NRXN1: variants seen among roughly 807,000 people sequenced by gnomAD.
NRXN1 encodes neurexin-1.
NRXN1 carries 39 observed loss-of-function variants against 150.9 expected under a neutral mutation model. The ratio of observed to expected loss-of-function variants is 0.26; its 90% CI spans 0.20 to 0.34. The LOEUF (loss-of-function observed/expected upper bound fraction) is 0.34. Ranked by LOEUF, NRXN1 falls within the 10% of genes least tolerant of loss-of-function variation. The probability of loss-of-function intolerance (pLI) is 1.00; values close to 1 mark genes in which losing one functional copy is unlikely to be tolerated. For missense variants in NRXN1, 1,815 were observed against 1,949.9 expected (o/e 0.93, Z 1.30); for synonymous variants, 924 against 757.0 (o/e 1.22, Z -3.62).
chr2:50,449,252 T>C (rs554450048), intron 17 of NRXN1, among the ~76,000 whole-genome samples: 24 of 152,342 alleles, frequency 1.6e-4, no homozygotes, highest in African/African-American at 5.5e-4. Context: ...AAAGTAAAAG[T>C]AATGTAAAAA....
intron 5 of NRXN1, among the ~76,000 whole-genome samples, chr2:50,920,906 C>G (rs1685937765): frequency 6.6e-6 from 1 of 151,606 alleles, no homozygotes; most frequent in African/African-American, 2.4e-5. Flanking sequence ...TTGCCTGGCT[C>G]ATGTTCAGAT....
chr2:50,621,090 G>A (rs965548838), intron 7 of NRXN1, 136 bp downstream of exon 7: 3 of 655,168 alleles, frequency 4.6e-6, no homozygotes, highest in Non-Finnish European at 7.5e-6. Context: ...GGAGGTCAAA[G>A]TAAGCAGAAG....
chr2:49,996,479 A>G (rs1421095635), intron 21 of NRXN1, among the ~76,000 whole-genome samples: 1 of 152,248 alleles, frequency 6.6e-6, no homozygotes, highest in Admixed American at 6.5e-5. Context: ...GAATTTTTAA[A>G]TAAGTTAACT....
intron 5 of NRXN1, among the ~76,000 whole-genome samples, chr2:50,904,057 C>T (rs76104108): frequency 0.029 from 4,421 of 152,174 alleles, 100 homozygotes; most frequent in Non-Finnish European, 0.045. Flanking sequence ...CTGCTCTTTC[C>T]GCACTCTTAA....
intron 21 of NRXN1, among the ~76,000 whole-genome samples, chr2:50,004,619 G>C (rs1208112441): frequency 6.6e-6 from 1 of 152,046 alleles, no homozygotes; most frequent in African/African-American, 2.4e-5. Context: ...AATTATTCAA[G>C]GCAATCTTTT....
chr2:50,762,587 C>T (rs769814852), intron 5 of NRXN1, among the ~76,000 whole-genome samples: 12 of 151,904 alleles, frequency 7.9e-5, no homozygotes, highest in South Asian at 2.1e-4. Flanking sequence ...TGGGAACATA[C>T]GGTATTTGGT....
chr2:49,956,499 A>G (rs1674971161), intron 21 of NRXN1, among the ~76,000 whole-genome samples: 1 of 151,680 alleles, frequency 6.6e-6, no homozygotes, highest in South Asian at 2.1e-4. Flanking sequence ...TTTCCCTTTG[A>G]TTTCATTTTT....
intron 17 of NRXN1, among the ~76,000 whole-genome samples, chr2:50,341,830 A>G (rs2077569213): frequency 6.6e-6 from 1 of 151,994 alleles, no homozygotes; most frequent in Non-Finnish European, 1.5e-5. Flanking sequence ...GATAAAATTT[A>G]CTATTTTGAT....
intron 5 of NRXN1, among the ~76,000 whole-genome samples, chr2:50,816,798 T>C (rs778025194): frequency 6.6e-6 from 1 of 152,144 alleles, no homozygotes; most frequent in East Asian, 1.9e-4. Context: ...GAACTTTTGT[T>C]GAGTCATTCA....
At chr2:50,495,770 G>C in intron 15 of NRXN1, 135 bp downstream of exon 15, 1 of 649,998 alleles carries the variant, frequency 1.5e-6, no homozygotes, top group Non-Finnish European at 2.4e-6. Flanking sequence ...GTGTTGTATT[G>C]TTAATTATGT....
intron 18 of NRXN1, among the ~76,000 whole-genome samples, chr2:50,152,105 G>C (rs370115371): frequency 3.2e-4 from 48 of 151,668 alleles, no homozygotes; most frequent in African/African-American, 1.1e-3. Context: ...GTGGTACTAA[G>C]TGCACTCATA....
chr2:50,159,551 T>C (rs1053673436), intron 18 of NRXN1, among the ~76,000 whole-genome samples: 5 of 152,194 alleles, frequency 3.3e-5, no homozygotes, highest in African/African-American at 7.2e-5. Flanking sequence ...GAAATAAGCA[T>C]GCTTATGTCA....
At chr2:50,635,162 C>A (rs911821485) in intron 5 of NRXN1, among the ~76,000 whole-genome samples, 5 of 144,162 alleles carry the variant, frequency 3.5e-5, no homozygotes, top group African/African-American at 1.2e-4. Context: ...AGATTAAATT[C>A]TTCTTTTTTT....
Position 50,346,839 on chromosome 2 carries a change from G to A in NRXN1, c.3365-109869C>T, listed in dbSNP as rs754777543. ...CTAGGAGGCCGCTGAGGGTGAGCGG[G>A]ACTATCCAAAGCAGGGCCAGGCGCC... is the stretch of plus-strand genomic sequence containing the variant. On this transcript the variant is annotated intron_variant, in intron 17 of 22. Transcript: ENST00000401669. This position sits in a 1 kb window ranked among gnomAD's most constrained non-coding sequence, Gnocchi z 5.0. 6.2e-7 allele frequency: 1 copy of A among 1,608,724 alleles called. No homozygotes were observed. Among genetic ancestry groups the A allele is most frequent in the Non-Finnish European group, 8.5e-7 (1 of 1,178,288 alleles).
chr2:50,019,976 G>A (rs62132491), intron 21 of NRXN1, among the ~76,000 whole-genome samples: 30,616 of 76,480 alleles, frequency 0.4, 8,832 homozygotes, highest in East Asian at 0.53. Flanking sequence ...AAAAAAAAGA[G>A]AGAGAGAGAG....
chr2:50,740,336 C>G (rs1699281220), intron 5 of NRXN1, among the ~76,000 whole-genome samples: 1 of 152,134 alleles, frequency 6.6e-6, no homozygotes, highest in Non-Finnish European at 1.5e-5. Context: ...AACATACACC[C>G]ACCCAGCATC....
chr2:50,423,513 A>G (rs536668630), intron 17 of NRXN1, among the ~76,000 whole-genome samples: 23 of 152,316 alleles, frequency 1.5e-4, no homozygotes, highest in African/African-American at 5.3e-4. Flanking sequence ...ACTAGAAAAG[A>G]AAAACGAGAG....
intron 5 of NRXN1, chr2:50,841,190 T>C (rs753120181): frequency 1.3e-5 from 2 of 152,564 alleles, no homozygotes; most frequent in Non-Finnish European, 2.9e-5. Context: ...TACAACTTAA[T>C]ATGCATCTAA....
rs561672539 is a variant in NRXN1 at position 49,919,648 on chromosome 2, C to T, written c.*2296G>A. ...TTTCCCTGAGTAAGACTGAATGAGA[C>T]GGGGGAAAAGAAAAGACTCGTGAAT... On this transcript the variant is annotated 3_prime_UTR_variant, in exon 23 of 23. Coordinates refer to ENST00000401669, the MANE Select transcript of NRXN1 (RefSeq NM_001330078.2). The T allele has an allele frequency of 9.3e-5, 14 of 150,486 alleles. No individual in the cohort carries two copies. The South Asian group carries it at 1.0e-3, about 11-fold the overall frequency. 9.3% of individuals were successfully genotyped at this position (150,486 alleles called of 1,614,324 possible).
Sources: allele counts gnomAD v4.1 joint callset (sites outside exome capture counted in the v4.1 genomes callset), GRCh38; gene constraint gnomAD v4.1.1; non-coding constraint Gnocchi (gnomAD v3.1); transcripts MANE v1.5; gene names NCBI Gene and HGNC (gene_info 2026-07-23, HGNC 2026-07-21).